Variants in CYTH3 observed in about 807,000 individuals in gnomAD.
CYTH3 encodes cytohesin-3.
Under a neutral mutation model 55.1 loss-of-function variants are expected in CYTH3, and 23 were observed. That is an observed-to-expected ratio of 0.42 (90% CI 0.30 to 0.59). The LOEUF is 0.59. CYTH3 is among the 20% of genes least tolerant of loss of function. The probability of loss-of-function intolerance (pLI) is 0.20; values close to 1 mark genes in which losing one functional copy is unlikely to be tolerated. For missense variants in CYTH3, 413 were observed against 524.8 expected (o/e 0.79, Z 2.08); for synonymous variants, 249 against 194.9 (o/e 1.28, Z -2.31).
intron 1 of CYTH3, among the ~76,000 whole-genome samples, chr7:6,230,664 T>A (rs1263641440): frequency 6.6e-6 from 1 of 152,152 alleles, no homozygotes; most frequent in Non-Finnish European, 1.5e-5. Flanking sequence ...AATGACAATG[T>A]AAACCTTTAC....
chr7:6,203,291 T>TC (rs1288529614), intron 1 of CYTH3, among the ~76,000 whole-genome samples: 1 of 152,240 alleles, frequency 6.6e-6, no homozygotes, highest in Non-Finnish European at 1.5e-5. Context: ...TGCTTTTTTT[T>TC]CACATTTTAA....
chr7:6,272,409 C>CGGGGGGGGGGGGG, intron 1 of CYTH3, 65 bp downstream of exon 1: 6 of 1,212,366 alleles, frequency 4.9e-6, no homozygotes, highest in Non-Finnish European at 5.3e-6. Context: ...GCCGCGCCCT[C>CGGGGGGGGGGGGG]GACCCCCAGC....
intron 1 of CYTH3, among the ~76,000 whole-genome samples, chr7:6,265,104 G>A (rs1780453487): frequency 6.6e-6 from 1 of 152,188 alleles, no homozygotes; most frequent in African/African-American, 2.4e-5. Flanking sequence ...TTGGCAAGGA[G>A]ACCAATGAGA....
At chr7:6,211,383 A>G (rs571597425) in intron 1 of CYTH3, among the ~76,000 whole-genome samples, 2 of 152,400 alleles carry the variant, frequency 1.3e-5, no homozygotes, top group African/African-American at 4.8e-5. Context: ...TTGTGGAGCC[A>G]CACTGCGGAG....
Position 6,246,333 on chromosome 7 carries a change from C to T in CYTH3, c.34+26141G>A, listed in dbSNP as rs553238284. Among the ~76,000 whole-genome samples the T allele has an allele frequency of 7.9e-5, 12 of 152,014 alleles. No individual in the cohort carries two copies. In the South Asian group the frequency reaches 1.5e-3, roughly 18 times the overall value. ...TTCCTCCCGCCTCAACTCCCAAAAC[C>T]GTGGGATTATAGCCACGAGCTACCA... is the stretch of plus-strand genomic sequence containing the variant. On this transcript the variant is annotated intron_variant, in intron 1 of 12. Transcript: ENST00000350796.
chr7:6,190,346 G>GTTTTTTTTTTTTTTTTTTTTTTTTTGGT (rs544153947), intron 2 of CYTH3, 103 bp downstream of exon 2: 4 of 627,570 alleles, frequency 6.4e-6, no homozygotes, highest in South Asian at 2.8e-5. Context: ...TTGTTTTTGG[G>GTTTTTTTTTTTTTTTTTTTTTTTTTGGT]TTTTTTTTTT....
rs1283629300 is a variant in CYTH3 at position 6,179,771 on chromosome 7, CCA to C, written c.250-1832_250-1831del. ...ACCCCACACCCCCACCACACACACC[CCA>C]CACACACCACCTACCACACACACCC... On this transcript the variant is annotated intron_variant, in intron 4 of 12. Coordinates refer to ENST00000350796, the MANE Select transcript of CYTH3 (RefSeq NM_004227.4). 2.2e-3 allele frequency among the ~76,000 whole-genome samples: 274 copies of C among 127,386 alleles called. 1 individual carries two copies. Among genetic ancestry groups the C allele is most frequent in the South Asian group, 4.2e-3 (16 of 3,796 alleles). The allele number at this position is 127,386 out of a possible 152,430, so 83.6% of individuals were successfully genotyped here.
At chr7:6,265,422 C>G (rs111478150) in intron 1 of CYTH3, among the ~76,000 whole-genome samples, 2 of 151,180 alleles carry the variant, frequency 1.3e-5, no homozygotes, top group Non-Finnish European at 2.9e-5. Flanking sequence ...ACCAGCCTGG[C>G]CAATATGGTG....
At chr7:6,210,896 G>T (rs1252852970) in intron 1 of CYTH3, among the ~76,000 whole-genome samples, 1 of 152,242 alleles carries the variant, frequency 6.6e-6, no homozygotes, top group Non-Finnish European at 1.5e-5. Context: ...AGCAGGGTGA[G>T]GATTAATCTT....
At chr7:6,187,963 C>A (rs1189210816) in intron 2 of CYTH3, among the ~76,000 whole-genome samples, 8 of 152,120 alleles carry the variant, frequency 5.3e-5, no homozygotes, top group Non-Finnish European at 4.4e-5. Context: ...GGGGTCCACT[C>A]TGCAGATCCT....
At chr7:6,178,072 C>A in intron 4 of CYTH3, 131 bp from the exon 5 acceptor site, 1 of 641,554 alleles carries the variant, frequency 1.6e-6, no homozygotes, top group Admixed American at 2.5e-5. Context: ...GACACCCATA[C>A]AACTGCACAA....
intron 4 of CYTH3, among the ~76,000 whole-genome samples, chr7:6,186,791 C>T (rs891882993): frequency 5.3e-5 from 8 of 152,196 alleles, no homozygotes; most frequent in Non-Finnish European, 1.2e-4. Flanking sequence ...TCGTCCAAGC[C>T]GTGCCTGTGA....
chr7:6,172,697 C>G, intron 6 of CYTH3: 2 of 1,092,850 alleles, frequency 1.8e-6, no homozygotes, highest in Non-Finnish European at 2.3e-6. Flanking sequence ...GTCACAGCTG[C>G]AAGGGCCGCA....
rs1583734411 is a variant in CYTH3 at position 6,170,771 on chromosome 7, C to A, written c.711+59G>T. On this transcript the variant is annotated intron_variant, in intron 8 of 12. Transcript: ENST00000350796. This position sits in a 1 kb window ranked among gnomAD's most constrained non-coding sequence, Gnocchi z 7.8. ...GGCGTGTCTAGAGCCGCGGGCGCTGCGGCCGCTCACAGCGAAGAGATCCTG... is the reference window on the plus strand; with the variant it reads ...GGCGTGTCTAGAGCCGCGGGCGCTGAGGCCGCTCACAGCGAAGAGATCCTG... The A allele has an allele frequency of 1.3e-5, 20 of 1,573,770 alleles. No homozygotes were observed. Among genetic ancestry groups the A allele is most frequent in the Middle Eastern group, 1.7e-4 (1 of 5,924 alleles).
rs1301180666 is a variant in CYTH3, at chr7:6,167,067, C to T, written c.824-1257G>A. Among the ~76,000 whole-genome samples the T allele has an allele frequency of 1.3e-5, 2 of 152,174 alleles. No homozygotes were observed. The highest frequency in any genetic ancestry group is 2.9e-5 in the Non-Finnish European group (2 of 68,026). On this transcript the variant is annotated intron_variant, in intron 9 of 12. Coordinates refer to ENST00000350796, the MANE Select transcript of CYTH3 (RefSeq NM_004227.4). The surrounding 1 kb of genome is among the most constrained non-coding windows in gnomAD (Gnocchi z 5.5). ...CTCCCCGAACCCCTGCAAGCTGCTC[C>T]GTCACTGGAACCCTCTGCCCCAACT...
At chr7:6,188,670 T>G (rs1783720591) in intron 2 of CYTH3, 1 of 152,230 alleles carries the variant, frequency 6.6e-6, no homozygotes, top group African/African-American at 2.4e-5. Flanking sequence ...ACAGACCCCC[T>G]TTCCCTTGAT....
chr7:6,166,424 A>C (rs1783010716), intron 9 of CYTH3, among the ~76,000 whole-genome samples: 2 of 152,056 alleles, frequency 1.3e-5, no homozygotes, highest in Non-Finnish European at 2.9e-5. Context: ...AATTCAAAGA[A>C]ATACACGCTG....
chr7:6,242,375 ATTT>A lies in CYTH3; in HGVS notation c.34+30096_34+30098del, dbSNP rs10525625. 1.7e-3 allele frequency among the ~76,000 whole-genome samples: 178 copies of A among 105,768 alleles called. 1 individual carries two copies. The highest frequency in any genetic ancestry group is 5.4e-3 in the African/African-American group (155 of 28,906). 69.4% of individuals were successfully genotyped at this position (105,768 alleles called of 152,430 possible). A position where few individuals can be genotyped will look rare whatever the true frequency, so the allele number is the denominator to read the frequency against. On this transcript the variant is annotated intron_variant, in intron 1 of 12. Transcript: ENST00000350796. The stretch of plus-strand genomic sequence containing the variant: ...ACAGACATGAGCCACCGCGCCTGGC[ATTT>A]TTTTTTTTTTTTTTTTAAGACGGAG...
At chr7:6,194,257 G>A (rs1783866907) in intron 1 of CYTH3, among the ~76,000 whole-genome samples, 1 of 152,192 alleles carries the variant, frequency 6.6e-6, no homozygotes. Context: ...CATTACAGTT[G>A]ACTCTTTAAT....
Sources: gnomAD v4.1 joint callset for allele counts (sites outside exome capture counted in the v4.1 genomes callset) on GRCh38, gnomAD v4.1.1 for gene constraint, Gnocchi (gnomAD v3.1) non-coding constraint, MANE v1.5 for transcripts, NCBI Gene and HGNC (gene_info 2026-07-23, HGNC 2026-07-21) for gene names.